PCDHGA8: variants seen among roughly 807,000 people sequenced by gnomAD.
PCDHGA8 encodes the protein protocadherin gamma subfamily A, 8.
A neutral mutation model predicts 59.2 loss-of-function variants in PCDHGA8; 45 were observed. The observed-to-expected ratio is 0.76, with a 90% CI of 0.60 to 0.98. PCDHGA8 has a LOEUF of 0.98. PCDHGA8 is among the 50% of genes least tolerant of loss of function. PCDHGA8 has a pLI of 0.00. For missense variants in PCDHGA8, 1,257 were observed against 1,196.2 expected (o/e 1.05, Z -0.75); for synonymous variants, 531 against 519.0 (o/e 1.02, Z -0.32).
chr5:141,466,766 T>G (rs1309395984), intron 1 of PCDHGA8, among the ~76,000 whole-genome samples: 2 of 152,194 alleles, frequency 1.3e-5, no homozygotes, highest in Non-Finnish European at 2.9e-5. Context: ...TTTCAAACTG[T>G]TATCTTATTC....
intron 1 of PCDHGA8, chr5:141,409,285 T>G (rs773096828): frequency 6.2e-7 from 1 of 1,613,966 alleles, no homozygotes; most frequent in South Asian, 1.1e-5. Context: ...AGAATTCACC[T>G]CCAGGAATGG....
intron 1 of PCDHGA8, among the ~76,000 whole-genome samples, chr5:141,457,190 G>A (rs2098913282): frequency 6.6e-6 from 1 of 152,200 alleles, no homozygotes; most frequent in African/African-American, 2.4e-5. Context: ...GTAGAGTGAG[G>A]AAAGCAGTTC....
chr5:141,424,319 G>A (rs1014361496), intron 1 of PCDHGA8: 1 of 152,006 alleles, frequency 6.6e-6, no homozygotes, highest in African/African-American at 2.4e-5. Context: ...ATATTGACTG[G>A]CTTTTAACTA....
intron 1 of PCDHGA8, chr5:141,413,757 G>C (rs2095674818): frequency 1.2e-6 from 2 of 1,612,920 alleles, no homozygotes; most frequent in African/African-American, 2.7e-5. Flanking sequence ...ATGGCGTCAA[G>C]TACCCGGAGC....
In PCDHGA8 at chr5:141,485,865, C is replaced by T. The variant is rs1214425261; in HGVS notation, c.2425-8942C>T. The stretch of plus-strand genomic sequence containing the variant: ...TCTGGCACCGCAGAGCTCCGGGTAT[C>T]CGTGCTGGACGTAAACGACAACGCC... On this transcript the variant is annotated intron_variant, in intron 1 of 3. Transcript: ENST00000398604. The surrounding 1 kb of genome is among the most constrained non-coding windows in gnomAD (Gnocchi z 5.7). 23 of 1,614,182 alleles carry T rather than the reference C, an allele frequency of 1.4e-5. No homozygotes were observed. Among genetic ancestry groups the T allele is most frequent in the Non-Finnish European group, 1.8e-5 (21 of 1,180,034 alleles).
intron 1 of PCDHGA8, chr5:141,414,532 C>T (rs747661760): frequency 1.9e-6 from 3 of 1,613,930 alleles, no homozygotes; most frequent in Admixed American, 3.3e-5. Flanking sequence ...CAATGACAAC[C>T]CACCTACCTT....
chr5:141,421,040 C>T (rs2096541229), intron 1 of PCDHGA8: 1 of 545,472 alleles, frequency 1.8e-6, no homozygotes, highest in East Asian at 3.1e-5. Context: ...GTCCCTCCCT[C>T]CCCCGCCTCT....
At chr5:141,463,796 G>T (rs139760353) in intron 1 of PCDHGA8, among the ~76,000 whole-genome samples, 3 of 152,114 alleles carry the variant, frequency 2.0e-5, no homozygotes, top group Non-Finnish European at 2.9e-5. Flanking sequence ...TTGAACAAAT[G>T]TCTAAAAGCT....
chr5:141,490,143 A>G lies in PCDHGA8; in HGVS notation c.2425-4664A>G. On this transcript the variant is annotated intron_variant, in intron 1 of 3. Transcript: ENST00000398604. The surrounding 1 kb of genome is among the most constrained non-coding windows in gnomAD (Gnocchi z 5.4). ...TTGGCCTAGACCCTAGCAGTGGGGC[A>G]ATCCATGTGTTGGGTCCCATAGACT... is the stretch of plus-strand genomic sequence containing the variant. 1 of 1,614,234 alleles carries G rather than the reference A, an allele frequency of 6.2e-7. No homozygotes were observed. The highest frequency in any genetic ancestry group is 8.5e-7 in the Non-Finnish European group (1 of 1,180,034).
At chr5:141,401,128 G>A (rs1271194736) in intron 1 of PCDHGA8, among the ~76,000 whole-genome samples, 3 of 152,166 alleles carry the variant, frequency 2.0e-5, no homozygotes, top group Non-Finnish European at 4.4e-5. Context: ...TGGATCACAT[G>A]GTCAGGAGTT....
intron 1 of PCDHGA8, among the ~76,000 whole-genome samples, chr5:141,447,098 A>G (rs2098525979): frequency 6.6e-6 from 1 of 151,934 alleles, no homozygotes. Flanking sequence ...TTTCTTTCAC[A>G]TGATTATATG....
intron 1 of PCDHGA8, chr5:141,399,529 G>A (rs946281582): frequency 3.1e-6 from 5 of 1,613,892 alleles, no homozygotes; most frequent in Non-Finnish European, 4.2e-6. Flanking sequence ...GGCCTCCATC[G>A]CGCAAGTCTG....
At chr5:141,484,598 T>C (rs2099598059) in intron 1 of PCDHGA8, among the ~76,000 whole-genome samples, 1 of 152,080 alleles carries the variant, frequency 6.6e-6, no homozygotes, top group Non-Finnish European at 1.5e-5. Flanking sequence ...TCATTTAGAA[T>C]ACTGGTTGAT....
chr5:141,430,882 A>G, intron 1 of PCDHGA8: 3 of 1,601,068 alleles, frequency 1.9e-6, no homozygotes, highest in Non-Finnish European at 2.6e-6. Context: ...AGCTGGAGAA[A>G]GGCTCTAGGG....
Position 141,489,458 on chromosome 5 carries a change from G to T in PCDHGA8, c.2425-5349G>T, listed in dbSNP as rs143138320. 1 of 1,613,924 alleles carries T rather than the reference G, an allele frequency of 6.2e-7. No homozygotes were observed. Among genetic ancestry groups the T allele is most frequent in the Non-Finnish European group, 8.5e-7 (1 of 1,180,000 alleles). On this transcript the variant is annotated intron_variant, in intron 1 of 3. Coordinates refer to ENST00000398604, the MANE Select transcript of PCDHGA8 (RefSeq NM_032088.2). The surrounding 1 kb of genome is among the most constrained non-coding windows in gnomAD (Gnocchi z 4.5). ...CAATTGGGCTCTGAGGAGAATGGGC[G>T]CTATTTTTCCCTGAGCTTGATGAGT...
Position 141,486,885 on chromosome 5 carries a change from G to A in PCDHGA8, c.2425-7922G>A, listed in dbSNP as rs139638334. On this transcript the variant is annotated intron_variant, in intron 1 of 3. Transcript: ENST00000398604. The surrounding 1 kb of genome is among the most constrained non-coding windows in gnomAD (Gnocchi z 5.0). ...CCAGCTGTGCTCCGTCCTCGGGCCC[G>A]GCCTGGTTCCTTATGTCCCCAAGCA... is the stretch of plus-strand genomic sequence containing the variant. 16 of 1,614,076 alleles carry A rather than the reference G, an allele frequency of 9.9e-6. No individual in the cohort carries two copies. The highest frequency in any genetic ancestry group is 1.6e-4 in the Middle Eastern group (1 of 6,084).
At chr5:141,508,124 G>C (rs1248096612) in intron 3 of PCDHGA8, 1 of 152,640 alleles carries the variant, frequency 6.6e-6, no homozygotes, top group Non-Finnish European at 1.5e-5. Flanking sequence ...AGGACAGAGG[G>C]AGGTCAGGGA....
intron 1 of PCDHGA8, chr5:141,399,805 T>G (rs776266997): frequency 6.2e-7 from 1 of 1,613,192 alleles, no homozygotes; most frequent in Admixed American, 1.7e-5. Context: ...GCGGGTGCTG[T>G]ACCCCGCGCT....
chr5:141,393,718 C>A lies in PCDHGA8; in HGVS notation c.905C>A (p.Ser302Ter). ...FQLNENTGEI[S>*]IAKSLDYEEC... The stretch of plus-strand genomic sequence containing the variant: ...CTTAATGAAAATACTGGGGAAATAT[C>A]AATAGCAAAAAGTCTAGATTATGAA... The change falls in exon 1 of 4, where the codon TCA (serine) becomes TAA (stop). Residue 302 changes from serine to a stop codon, truncating the protein, a stop_gained. Coordinates refer to ENST00000398604, the MANE Select transcript of PCDHGA8 (RefSeq NM_032088.2). LOFTEE classifies it high-confidence loss of function. 1.2e-6 allele frequency: 2 copies of A among 1,613,644 alleles called. No individual in the cohort carries two copies. The highest frequency in any genetic ancestry group is 1.7e-6 in the Non-Finnish European group (2 of 1,179,840).
Sources: gnomAD v4.1 joint callset for allele counts (sites outside exome capture counted in the v4.1 genomes callset) on GRCh38, gnomAD v4.1.1 for gene constraint, Gnocchi (gnomAD v3.1) non-coding constraint, MANE v1.5 for transcripts, NCBI Gene and HGNC (gene_info 2026-07-23, HGNC 2026-07-21) for gene names.